Variants in AOPEP observed in about 807,000 individuals in gnomAD.
AOPEP encodes the protein aminopeptidase O (putative).
A neutral mutation model predicts 98.1 loss-of-function variants in AOPEP; 77 were observed. The ratio of observed to expected loss-of-function variants is 0.78; its 90% CI spans 0.65 to 0.95. The LOEUF is 0.95. Among genes scored for constraint, AOPEP ranks in the 40% least tolerant of loss-of-function variants. AOPEP has a pLI of 0.00. For synonymous variants in AOPEP, 346 were observed against 365.3 expected (o/e 0.95, Z 0.60); for missense variants, 1,024 against 1,024.7 (o/e 1.00, Z 0.01).
At chr9:94,734,103 T>G (rs1453642530) in intron 1 of AOPEP, among the ~76,000 whole-genome samples, 1 of 152,178 alleles carries the variant, frequency 6.6e-6, no homozygotes, top group Non-Finnish European at 1.5e-5. Flanking sequence ...GGCAATCCTC[T>G]GAGTTTATAC....
intron 10 of AOPEP, 74 bp from the exon 11 acceptor site, chr9:94,979,293 A>T (rs956104411): frequency 2.6e-5 from 24 of 938,960 alleles, no homozygotes; most frequent in African/African-American, 4.9e-5. Context: ...GTACCCAGTT[A>T]GAGAGAACCA....
At chr9:94,963,348 G>A (rs960406104) in intron 9 of AOPEP, among the ~76,000 whole-genome samples, 1 of 152,116 alleles carries the variant, frequency 6.6e-6, no homozygotes, top group Non-Finnish European at 1.5e-5. Flanking sequence ...TACCAAATTA[G>A]CCATGTGCCA....
intron 5 of AOPEP, among the ~76,000 whole-genome samples, chr9:94,854,622 T>C (rs2043956648): frequency 6.6e-6 from 1 of 152,248 alleles, no homozygotes; most frequent in African/African-American, 2.4e-5. Context: ...CTATAGGTTA[T>C]GTTTTAAAAC....
chr9:94,878,104 G>A (rs2047170716), intron 5 of AOPEP, among the ~76,000 whole-genome samples: 1 of 151,872 alleles, frequency 6.6e-6, no homozygotes, highest in Non-Finnish European at 1.5e-5. Flanking sequence ...TAGAGCTAAT[G>A]CCATCTAGTG....
the AOPEP span, among the ~76,000 whole-genome samples, chr9:95,120,509 G>A: frequency 4.0e-5 from 6 of 151,896 alleles, no homozygotes; most frequent in Non-Finnish European, 8.8e-5. Flanking sequence ...CCACGTTCTG[G>A]GCTCAAGCAA....
In AOPEP at chr9:94,976,391, G is replaced by A. The variant is rs562289588; in HGVS notation, c.1917-2976G>A. Among the ~76,000 whole-genome samples the A allele has an allele frequency of 4.6e-5, 7 of 152,196 alleles. No homozygotes were observed. The South Asian group carries it at 1.0e-3, about 23-fold the overall frequency. ...AATTCCCCAAAGGAAATTTATGTCC[G>A]TGTCTTCATATTCACTCCCCCATGC... On this transcript the variant is annotated intron_variant, in intron 10 of 16. Transcript: ENST00000375315.
chr9:94,732,293 C>A (rs1341046128), intron 1 of AOPEP, among the ~76,000 whole-genome samples: 3 of 149,486 alleles, frequency 2.0e-5, no homozygotes, highest in South Asian at 4.2e-4. Context: ...CTACATTATT[C>A]ATCAAGTAAG....
chr9:95,060,196 G>A (rs2067207292), intron 13 of AOPEP, among the ~76,000 whole-genome samples: 1 of 152,158 alleles, frequency 6.6e-6, no homozygotes, highest in African/African-American at 2.4e-5. Context: ...GGAAGACACA[G>A]TTCTTTCAGT....
chr9:94,748,379 T>C (rs1287812728), intron 1 of AOPEP, among the ~76,000 whole-genome samples: 3 of 152,346 alleles, frequency 2.0e-5, no homozygotes, highest in South Asian at 4.1e-4. Flanking sequence ...AAATAAACTT[T>C]TGAAGCTTTA....
chr9:94,744,156 G>T (rs949493369), intron 1 of AOPEP, among the ~76,000 whole-genome samples: 8 of 151,912 alleles, frequency 5.3e-5, no homozygotes, highest in African/African-American at 1.9e-4. Flanking sequence ...ACTTTGGGAG[G>T]CTGAGGCGGG....
At chr9:94,785,887 C>T (rs903662681) in intron 3 of AOPEP, among the ~76,000 whole-genome samples, 36 of 152,226 alleles carry the variant, frequency 2.4e-4, no homozygotes, top group African/African-American at 8.4e-4. Flanking sequence ...ATGGCCCATT[C>T]TATATGAAGT....
At chr9:94,790,583 C>G (rs1393091206) in intron 3 of AOPEP, among the ~76,000 whole-genome samples, 1 of 152,130 alleles carries the variant, frequency 6.6e-6, no homozygotes, top group East Asian at 1.9e-4. Flanking sequence ...TCCAGCAGTT[C>G]TGAGCACATC....
intron 13 of AOPEP, among the ~76,000 whole-genome samples, chr9:95,032,420 A>G (rs2064393664): frequency 6.6e-6 from 1 of 152,246 alleles, no homozygotes; most frequent in South Asian, 2.1e-4. Context: ...AGGCTTTCAG[A>G]TATGTTATCT....
At chr9:95,012,153 A>C (rs1051519679) in intron 13 of AOPEP, among the ~76,000 whole-genome samples, 6 of 152,256 alleles carry the variant, frequency 3.9e-5, no homozygotes, top group African/African-American at 1.4e-4. Context: ...TAAAGAAGTC[A>C]AACAATTGCT....
At chr9:95,005,296 T>A (rs985651879) in intron 12 of AOPEP, 76 bp downstream of exon 12, 1 of 826,504 alleles carries the variant, frequency 1.2e-6, no homozygotes, top group African/African-American at 1.8e-5. Context: ...GCCCTGGCTC[T>A]GCGCTGCGGC....
At chr9:94,794,064 A>G (rs1335169304) in intron 4 of AOPEP, among the ~76,000 whole-genome samples, 1 of 152,188 alleles carries the variant, frequency 6.6e-6, no homozygotes, top group Non-Finnish European at 1.5e-5. Context: ...GGTTAAGGGA[A>G]TCCTGCTTGG....
Position 95,083,697 on chromosome 9 carries a change from G to A in AOPEP, c.*4+978G>A, listed in dbSNP as rs533281707. Among the ~76,000 whole-genome samples the A allele has an allele frequency of 1.0e-4, 15 of 150,114 alleles. 1 individual carries two copies. In the South Asian group the frequency reaches 2.5e-3, roughly 25 times the overall value. Reference sequence around the variant, plus strand: ...GCGGCACACACAGCACACACCGCACGCACCACACAGAGCACATGTGGCACA... The same window carrying A: ...GCGGCACACACAGCACACACCGCACACACCACACAGAGCACATGTGGCACA... On this transcript the variant is annotated intron_variant, in intron 16 of 16. Transcript: ENST00000375315.
chr9:94,926,334 G>A (rs2054316123), intron 6 of AOPEP, among the ~76,000 whole-genome samples: 1 of 152,192 alleles, frequency 6.6e-6, no homozygotes, highest in South Asian at 2.1e-4. Flanking sequence ...CCTTTGTGGA[G>A]GCGGTGGCTT....
At chr9:95,047,880 G>GT (rs1160069373) in intron 13 of AOPEP, among the ~76,000 whole-genome samples, 1 of 152,140 alleles carries the variant, frequency 6.6e-6, no homozygotes, top group Non-Finnish European at 1.5e-5. Flanking sequence ...CTGGCATTTT[G>GT]TTTTTTTCTG....
Sources: gnomAD v4.1 joint callset for allele counts (sites outside exome capture counted in the v4.1 genomes callset) on GRCh38, gnomAD v4.1.1 for gene constraint, MANE v1.5 for transcripts, NCBI Gene and HGNC (gene_info 2026-07-23, HGNC 2026-07-21) for gene names.